ARMC2: variants seen among roughly 807,000 people sequenced by gnomAD.
The protein encoded by ARMC2 is armadillo repeat containing 2.
ARMC2 carries 67 observed loss-of-function variants against 90.3 expected under a neutral mutation model. The ratio of observed to expected loss-of-function variants is 0.74; its 90% CI spans 0.61 to 0.91. ARMC2 has a LOEUF of 0.91. Among genes scored for constraint, ARMC2 ranks in the 40% least tolerant of loss-of-function variants. The probability of loss-of-function intolerance (pLI) is 0.00; values close to 1 mark genes in which losing one functional copy is unlikely to be tolerated. For missense variants in ARMC2, 920 were observed against 1,030.9 expected (o/e 0.89, Z 1.47); for synonymous variants, 393 against 393.0 (o/e 1.00, Z 0.00).
In ARMC2 at chr6:108,885,680, A is replaced by AAAAAG. The variant is rs574347948; in HGVS notation, c.672-8767_672-8763dup. The stretch of plus-strand genomic sequence containing the variant: ...CAGAGTGAGACTCTGTCGCAAAAAA[A>AAAAAG]AAAAGAAAAGAAAAGAAAAGAAAAA... On this transcript the variant is annotated intron_variant, in intron 5 of 17. Coordinates refer to ENST00000392644, the MANE Select transcript of ARMC2 (RefSeq NM_032131.6). Among the ~76,000 whole-genome samples the AAAAAG allele has an allele frequency of 4.6e-4, 70 of 151,990 alleles. 1 individual carries two copies. Among genetic ancestry groups the AAAAAG allele is most frequent in the Admixed American group, 1.3e-3 (20 of 15,278 alleles).
chr6:108,883,818 A>G (rs1777819323), intron 5 of ARMC2, among the ~76,000 whole-genome samples: 1 of 152,148 alleles, frequency 6.6e-6, no homozygotes, highest in Non-Finnish European at 1.5e-5. Flanking sequence ...TTCCATTTAT[A>G]TGTATCCATT....
At chr6:109,025,527 A>C in the ARMC2 span, among the ~76,000 whole-genome samples, 548 of 150,772 alleles carry the variant, frequency 3.6e-3, 3 homozygotes, top group African/African-American at 0.013. Flanking sequence ...TCTGACTGCC[A>C]GAAATCATCT....
At chr6:108,982,580 T>C in the ARMC2 span, among the ~76,000 whole-genome samples, 1 of 152,224 alleles carries the variant, frequency 6.6e-6, no homozygotes. Context: ...CATTTTACAT[T>C]GTTACCAATG....
chr6:108,899,838 TA>T (rs747696292), intron 7 of ARMC2, 46 bp downstream of exon 7: 71 of 1,408,372 alleles, frequency 5.0e-5, no homozygotes, highest in African/African-American at 3.5e-4. Flanking sequence ...GTTTTTTTTT[TA>T]AAAAATACCT....
intron 3 of ARMC2, among the ~76,000 whole-genome samples, chr6:108,860,173 T>TC (rs1287588439): frequency 2.6e-5 from 4 of 152,312 alleles, no homozygotes; most frequent in South Asian, 4.1e-4. Context: ...AAAGTTTTTT[T>TC]CCCTCTACAT....
chr6:109,005,460 C>G, the ARMC2 span, among the ~76,000 whole-genome samples: 1 of 152,098 alleles, frequency 6.6e-6, no homozygotes, highest in Non-Finnish European at 1.5e-5. Context: ...GCCAGATTGA[C>G]AGCACATAGG....
intron 4 of ARMC2, among the ~76,000 whole-genome samples, chr6:108,875,689 T>G (rs1364246130): frequency 2.0e-5 from 3 of 152,256 alleles, no homozygotes; most frequent in Non-Finnish European, 4.4e-5. Flanking sequence ...TTCTGTTGAT[T>G]AGGTTGTAAG....
chr6:108,930,136 A>G (rs1274584243), intron 11 of ARMC2, among the ~76,000 whole-genome samples: 1 of 152,062 alleles, frequency 6.6e-6, no homozygotes, highest in Non-Finnish European at 1.5e-5. Context: ...TAAAAAAAAA[A>G]AAAAGAATCC....
the ARMC2 span, among the ~76,000 whole-genome samples, chr6:109,016,057 A>T: frequency 1.3e-5 from 2 of 152,194 alleles, no homozygotes; most frequent in African/African-American, 4.8e-5. Flanking sequence ...ACTTATCCTG[A>T]ACCCACAGAC....
chr6:108,989,649 A>G, the ARMC2 span, among the ~76,000 whole-genome samples: 10 of 151,350 alleles, frequency 6.6e-5, no homozygotes, highest in African/African-American at 2.2e-4. Flanking sequence ...AAATAAATAA[A>G]ATAAAAATAA....
intron 17 of ARMC2, among the ~76,000 whole-genome samples, chr6:108,971,383 G>T (rs536657695): frequency 5.9e-5 from 9 of 152,248 alleles, no homozygotes; most frequent in African/African-American, 1.9e-4. Context: ...TCTCCATGGA[G>T]CTCCTTGCCG....
At chr6:109,045,922 T>G in the ARMC2 span, among the ~76,000 whole-genome samples, 4 of 152,208 alleles carry the variant, frequency 2.6e-5, no homozygotes, top group African/African-American at 9.7e-5. Context: ...GAACTCTGAT[T>G]GAAAATAAGA....
chr6:108,868,962 C>T lies in ARMC2; in HGVS notation c.430C>T (p.Leu144Phe), dbSNP rs750016179. The change falls in exon 4 of 18, where the codon CTT becomes TTT. Residue 144 changes from leucine to phenylalanine, a missense_variant. Physicochemically the swap from Leu to Phe is conservative, Grantham distance 22. Transcript: ENST00000392644. ...RLFRAASQRA[L>F]LPDRSLPPSD... ...ATTCAGGGCTGCCTCCCAGCGGGCCCTTCTGCCGGACAGATCCCTTCCTCC... is the reference window on the plus strand; with the variant it reads ...ATTCAGGGCTGCCTCCCAGCGGGCCTTTCTGCCGGACAGATCCCTTCCTCC... 39 of 1,613,666 alleles carry T rather than the reference C, an allele frequency of 2.4e-5. 1 individual carries two copies. Among genetic ancestry groups the T allele is most frequent in the Non-Finnish European group, 3.1e-5 (37 of 1,179,788 alleles).
At chr6:108,881,182 C>T (rs981064882) in intron 5 of ARMC2, among the ~76,000 whole-genome samples, 17 of 148,122 alleles carry the variant, frequency 1.1e-4, no homozygotes, top group Non-Finnish European at 1.9e-4. Flanking sequence ...TTTTTTTTTT[C>T]TTTCTTTCTT....
intron 2 of ARMC2, chr6:108,856,878 A>G (rs996987686): frequency 1.3e-5 from 2 of 152,202 alleles, no homozygotes; most frequent in African/African-American, 4.8e-5. Flanking sequence ...AGTTGACTGT[A>G]TTTATGTCAG....
At chr6:109,048,750 C>G in the ARMC2 span, among the ~76,000 whole-genome samples, 56 of 152,280 alleles carry the variant, frequency 3.7e-4, no homozygotes, top group African/African-American at 9.1e-4. Context: ...AATTACCTAT[C>G]TCTTCCTCAT....
chr6:108,943,471 A>G (rs1445329769), intron 12 of ARMC2, among the ~76,000 whole-genome samples: 1 of 152,118 alleles, frequency 6.6e-6, no homozygotes, highest in Admixed American at 6.5e-5. Flanking sequence ...TCTTGATTTA[A>G]ATCAGAGTGG....
chr6:109,005,144 T>C, the ARMC2 span, among the ~76,000 whole-genome samples: 1 of 152,210 alleles, frequency 6.6e-6, no homozygotes, highest in Non-Finnish European at 1.5e-5. Flanking sequence ...ACATTGTTTC[T>C]AATAGTACGA....
intron 12 of ARMC2, among the ~76,000 whole-genome samples, chr6:108,938,873 TGGAATAA>T (rs1776199623): frequency 6.6e-6 from 1 of 152,212 alleles, no homozygotes; most frequent in South Asian, 2.1e-4. Flanking sequence ...GATGGCCATA[TGGAATAA>T]ACCAACAAAA....
Sources: gnomAD v4.1 joint callset for allele counts (sites outside exome capture counted in the v4.1 genomes callset) on GRCh38, gnomAD v4.1.1 for gene constraint, MANE v1.5 for transcripts, NCBI Gene and HGNC (gene_info 2026-07-23, HGNC 2026-07-21) for gene names.